The following NEXN variants were observed in gnomAD, a reference collection of about 807,000 sequenced individuals.
The protein encoded by NEXN is nexilin F-actin binding protein.
A neutral mutation model predicts 92.6 loss-of-function variants in NEXN; 65 were observed. The ratio of observed to expected loss-of-function variants is 0.70; its 90% CI spans 0.57 to 0.86. NEXN has a LOEUF of 0.86. Among genes scored for constraint, NEXN ranks in the 40% least tolerant of loss-of-function variants. The pLI, the probability that NEXN is intolerant of heterozygous loss-of-function variation, is 0.00. For synonymous variants in NEXN, 254 were observed against 242.5 expected (o/e 1.05, Z -0.44); for missense variants, 778 against 771.1 (o/e 1.01, Z -0.11).
chr1:77,931,113 C>T (rs1650249717), intron 9 of NEXN, among the ~76,000 whole-genome samples: 1 of 151,842 alleles, frequency 6.6e-6, no homozygotes, highest in Non-Finnish European at 1.5e-5. Context: ...AGAAGCCGGG[C>T]GCGGTGGCTC....
intron 1 of NEXN, among the ~76,000 whole-genome samples, chr1:77,900,701 T>G (rs2102047235): frequency 6.6e-6 from 1 of 152,364 alleles, no homozygotes; most frequent in South Asian, 2.1e-4. Flanking sequence ...ATGCCATTAC[T>G]AAATCTCTTT....
intron 1 of NEXN, among the ~76,000 whole-genome samples, chr1:77,892,046 G>A (rs1647120753): frequency 6.6e-6 from 1 of 151,632 alleles, no homozygotes; most frequent in Non-Finnish European, 1.5e-5. Context: ...TTGTACCACT[G>A]CACTCCAGCC....
chr1:77,933,283 T>C lies in NEXN; in HGVS notation c.1055T>C (p.Val352Ala), dbSNP rs1040085867. 3.2e-6 allele frequency: 5 copies of C among 1,545,998 alleles called. No homozygotes were observed. The highest frequency in any genetic ancestry group is 2.7e-6 in the Non-Finnish European group (3 of 1,120,860). ...KAFAEARRNMVVDDDSPEMYK... is the reference protein window; with the variant it reads ...KAFAEARRNMAVDDDSPEMYK... ...TGATAAAATAATTATTTTAAATAGGTAGTAGATGATGACTCCCCAGAGATG... is the reference window on the plus strand; with the variant it reads ...TGATAAAATAATTATTTTAAATAGGCAGTAGATGATGACTCCCCAGAGATG... The change falls in exon 10 of 13, where the codon GTA becomes GCA. Residue 352 changes from valine to alanine, a missense_variant and splice_region_variant. By Grantham distance (64) the Val-to-Ala change is moderately conservative (BLOSUM62 0). Coordinates refer to ENST00000334785, the MANE Select transcript of NEXN (RefSeq NM_144573.4).
intron 1 of NEXN, among the ~76,000 whole-genome samples, chr1:77,905,062 G>T (rs1194156844): frequency 2.0e-5 from 3 of 151,320 alleles, no homozygotes; most frequent in African/African-American, 7.3e-5. Context: ...AAGAGATAGA[G>T]ACCATCCTTG....
chr1:77,925,791 T>C (rs1294980869), intron 6 of NEXN, among the ~76,000 whole-genome samples: 1 of 152,124 alleles, frequency 6.6e-6, no homozygotes, highest in Non-Finnish European at 1.5e-5. Flanking sequence ...CTCAGGGCCA[T>C]GTGTTTCATT....
Position 77,942,618 on chromosome 1 carries a change from CAGG to C in NEXN, c.1820_1822del (p.Gly607del), listed in dbSNP as rs876657928. The stretch of plus-strand genomic sequence containing the variant: ...CCAGTCAGATTTACGGTTAAAGTAA[CAGG>C]AGAACCCAAACCAGAAATTACATGG... On this transcript the variant is annotated inframe_deletion, in exon 13 of 13. Coordinates refer to ENST00000334785, the MANE Select transcript of NEXN (RefSeq NM_144573.4). The C allele has an allele frequency of 2.8e-5, 45 of 1,613,778 alleles. No individual in the cohort carries two copies. Among genetic ancestry groups the C allele is most frequent in the Admixed American group, 1.5e-4 (9 of 59,976 alleles).
chr1:77,896,205 C>T (rs1292283512), intron 1 of NEXN, among the ~76,000 whole-genome samples: 1 of 44,154 alleles, frequency 2.3e-5, no homozygotes, highest in South Asian at 6.5e-4. Flanking sequence ...AATAAGTTGT[C>T]GGCCAAGCAC....
At position 77,902,716 on chromosome 1, in the gene NEXN, A is replaced by T. The variant is rs534629352; in HGVS notation, c.-52-13339A>T. On this transcript the variant is annotated intron_variant, in intron 1 of 12. Transcript: ENST00000334785. ...CTGAAATTTTCCATAATAAAAAAGT[A>T]AACAAAAAAGATAGATTAGACTGAT... Among the ~76,000 whole-genome samples the T allele has an allele frequency of 3.3e-5, 5 of 152,310 alleles. No homozygotes were observed. The East Asian group carries it at 9.6e-4, about 29-fold the overall frequency.
At chr1:77,893,243 AG>A in intron 1 of NEXN, among the ~76,000 whole-genome samples, 1 of 152,232 alleles carries the variant, frequency 6.6e-6, no homozygotes, top group Middle Eastern at 3.4e-3. Context: ...TTGGCTATAA[AG>A]AGGAGTTTAC....
intron 8 of NEXN, among the ~76,000 whole-genome samples, chr1:77,927,603 T>A (rs61778872): frequency 0.81 from 117,430 of 145,300 alleles, 46,199 homozygotes; most frequent in East Asian, 0.9. Context: ...TGTGTGTGTC[T>A]GTGTGTGTGT....
intron 5 of NEXN, among the ~76,000 whole-genome samples, chr1:77,923,644 G>T (rs1419964474): frequency 1.3e-5 from 2 of 150,094 alleles, no homozygotes; most frequent in East Asian, 2.0e-4. Flanking sequence ...CTAAACTAAC[G>T]GTATTTCTTA....
At chr1:77,918,887 G>C (rs1218252150) in intron 5 of NEXN, among the ~76,000 whole-genome samples, 20 of 152,200 alleles carry the variant, frequency 1.3e-4, no homozygotes, top group Admixed American at 1.0e-3. Flanking sequence ...AAGATGTAAG[G>C]CAATTTCACA....
intron 10 of NEXN, among the ~76,000 whole-genome samples, chr1:77,933,799 T>C (rs944861004): frequency 1.3e-5 from 2 of 152,176 alleles, no homozygotes; most frequent in Non-Finnish European, 2.9e-5. Context: ...GCCAGCTTCA[T>C]GGGCATGCAC....
Position 77,943,818 on chromosome 1 carries a change from T to C in NEXN, c.*989T>C, listed in dbSNP as rs1651624755. Reference sequence around the variant, plus strand: ...AATTAGCTATTACGTTCTATTAAGTTGTTTTATATTTTAATTTTCTGGAAG... The same window carrying C: ...AATTAGCTATTACGTTCTATTAAGTCGTTTTATATTTTAATTTTCTGGAAG... On this transcript the variant is annotated 3_prime_UTR_variant, in exon 13 of 13. Transcript: ENST00000334785. 6.5e-6 allele frequency: 1 copy of C among 152,852 alleles called. No homozygotes were observed. Among genetic ancestry groups the C allele is most frequent in the African/African-American group, 2.4e-5 (1 of 41,492 alleles). The allele number at this position is 152,852 out of a possible 1,614,324, so 9.5% of individuals were successfully genotyped here. A position where few individuals can be genotyped will look rare whatever the true frequency, so the allele number is the denominator to read the frequency against.
chr1:77,936,366 T>A (rs189282699), intron 11 of NEXN, among the ~76,000 whole-genome samples: 236 of 152,246 alleles, frequency 1.6e-3, no homozygotes, highest in African/African-American at 5.2e-3. Flanking sequence ...GGAGGGAGGA[T>A]CACATGATCC....
At chr1:77,912,168 T>C (rs117780051) in intron 1 of NEXN, among the ~76,000 whole-genome samples, 3,026 of 152,050 alleles carry the variant, frequency 0.02, 70 homozygotes, top group East Asian at 0.11. Context: ...GCAACAATCA[T>C]TAATTTAAAT....
chr1:77,916,296 G>A (rs1014060547), intron 2 of NEXN, among the ~76,000 whole-genome samples, 163 bp downstream of exon 2: 43 of 152,054 alleles, frequency 2.8e-4, no homozygotes, highest in Non-Finnish European at 5.7e-4. Flanking sequence ...TCACCAGCTG[G>A]TCTTGGGCTA....
At chr1:77,935,710 T>C in intron 10 of NEXN, 113 bp from the exon 11 acceptor site, 1 of 871,828 alleles carries the variant, frequency 1.1e-6, no homozygotes, top group East Asian at 2.6e-5. Context: ...CCCAGCTCCT[T>C]GGGAAGCTGA....
rs1650025633 is a variant in NEXN at position 77,928,284 on chromosome 1, C to G, written c.865-1032C>G. Reference sequence around the variant, plus strand: ...TATGAATGAGCCACTGGACTCCAGCCTGGGTGACAGAGTGAGACCCTGTCT... The same window carrying G: ...TATGAATGAGCCACTGGACTCCAGCGTGGGTGACAGAGTGAGACCCTGTCT... On this transcript the variant is annotated intron_variant, in intron 8 of 12. Transcript: ENST00000334785. Among the ~76,000 whole-genome samples, 3 of 149,598 alleles carry G rather than the reference C, an allele frequency of 2.0e-5. No individual in the cohort carries two copies. The South Asian group carries it at 6.4e-4, about 32-fold the overall frequency.
Sources: allele counts gnomAD v4.1 joint callset (sites outside exome capture counted in the v4.1 genomes callset), GRCh38; gene constraint gnomAD v4.1.1; transcripts MANE v1.5; gene names NCBI Gene and HGNC (gene_info 2026-07-23, HGNC 2026-07-21).